MAP7D2: variants seen among roughly 807,000 people sequenced by gnomAD.
MAP7D2 encodes MAP7 domain containing 2.
Under a neutral mutation model 63.5 loss-of-function variants are expected in MAP7D2, and 33 were observed. The observed-to-expected ratio is 0.52, with a 90% CI of 0.39 to 0.70. The LOEUF (loss-of-function observed/expected upper bound fraction) is 0.70, where lower values mean the gene tolerates loss of function less well. Ranked by LOEUF, MAP7D2 falls within the 30% of genes least tolerant of loss-of-function variation. The pLI is 0.00. For missense variants in MAP7D2, 626 were observed against 604.0 expected (o/e 1.04, Z -0.38); for synonymous variants, 224 against 223.7 (o/e 1.00, Z -0.01).
chrX:20,098,562 G>GA (rs2066338127), intron 1 of MAP7D2, among the ~76,000 whole-genome samples: 1 of 110,890 alleles, frequency 9.0e-6, no homozygotes, highest in African/African-American at 3.3e-5. Context: ...CACGGTGGGG[G>GA]GGGGAGCGGG....
intron 1 of MAP7D2, among the ~76,000 whole-genome samples, chrX:20,099,944 C>G (rs1383308854): frequency 9.0e-6 from 1 of 111,661 alleles, no homozygotes; most frequent in African/African-American, 3.3e-5. Flanking sequence ...AAGGTGGAAG[C>G]CAGGTTCTTT....
chrX:20,069,445 G>A (rs1191667500), intron 1 of MAP7D2, among the ~76,000 whole-genome samples: 1 of 111,057 alleles, frequency 9.0e-6, no homozygotes, highest in African/African-American at 3.3e-5. Flanking sequence ...CTAGGCTAAA[G>A]CAATCTTCCT....
At chrX:20,032,788 G>A (rs746085474) in intron 8 of MAP7D2, among the ~76,000 whole-genome samples, 2 of 111,900 alleles carry the variant, frequency 1.8e-5, no homozygotes, top group African/African-American at 3.3e-5. Context: ...TGGCCCGACT[G>A]CTTTGACCTA....
chrX:20,115,434 C>T (rs1049577015), intron 1 of MAP7D2, among the ~76,000 whole-genome samples: 5 of 111,025 alleles, frequency 4.5e-5, no homozygotes. Flanking sequence ...TATACAAGGT[C>T]GCCTCTGCCA....
Position 20,116,850 on chromosome X carries a change from C to G in MAP7D2, c.30G>C (p.Thr10=), listed in dbSNP as rs756181734. The change falls in exon 1 of 17, where the codon ACG becomes ACC. Residue 10 remains threonine (T), a synonymous_variant. Coordinates refer to ENST00000379643, the MANE Select transcript of MAP7D2 (RefSeq NM_001168465.2). MERGGGGSG[T]GSRPEGTARG... is the part of the protein sequence containing the mutation. ...GCGCAGTCCCCTCAGGCCGGGATCC[C>G]GTCCCGGAGCCGCCGCCGCCGCGCT... The G allele has an allele frequency of 8.7e-6, 10 of 1,154,903 alleles. No individual in the cohort carries two copies. Among genetic ancestry groups the G allele is most frequent in the South Asian group, 2.0e-5 (1 of 50,010 alleles).
chrX:20,020,233 C>T (rs187815150), intron 10 of MAP7D2, among the ~76,000 whole-genome samples: 34 of 111,436 alleles, frequency 3.1e-4, no homozygotes, highest in Middle Eastern at 9.3e-3. Flanking sequence ...ATGTGTCCCT[C>T]CCACTAGCCC....
At chrX:20,015,125 C>A in intron 12 of MAP7D2, 98 bp downstream of exon 12, 1 of 617,554 alleles carries the variant, frequency 1.6e-6, no homozygotes, top group Admixed American at 2.8e-5. Flanking sequence ...CTTGACCTAA[C>A]TGACAATCCT....
intron 16 of MAP7D2, among the ~76,000 whole-genome samples, chrX:20,009,145 A>G (rs866945299): frequency 1.8e-5 from 2 of 111,598 alleles, no homozygotes; most frequent in African/African-American, 3.3e-5. Flanking sequence ...ACCAAGAACC[A>G]AGAGAAATGG....
At chrX:20,046,161 T>G (rs2064794341) in intron 6 of MAP7D2, among the ~76,000 whole-genome samples, 1 of 111,927 alleles carries the variant, frequency 8.9e-6, no homozygotes, top group African/African-American at 3.2e-5. Flanking sequence ...AAGACATGCT[T>G]CTGGAGTTTT....
At chrX:20,056,648 G>A (rs1473184451) in intron 4 of MAP7D2, 32 bp downstream of exon 4, 1 of 1,138,224 alleles carries the variant, frequency 8.8e-7, no homozygotes, top group South Asian at 1.8e-5. Context: ...TCCCACCCAG[G>A]ACCTGAAATA....
chrX:20,069,170 T>A (rs1368203265), intron 1 of MAP7D2, among the ~76,000 whole-genome samples: 1 of 111,926 alleles, frequency 8.9e-6, no homozygotes, highest in Non-Finnish European at 1.9e-5. Flanking sequence ...CAATCATCCT[T>A]TGTCCATGTG....
At chrX:20,066,080 G>A (rs1402337901) in intron 1 of MAP7D2, among the ~76,000 whole-genome samples, 2 of 110,129 alleles carry the variant, frequency 1.8e-5, no homozygotes, top group Admixed American at 9.6e-5. Flanking sequence ...CCGCCACCGC[G>A]CCCGGCTAAT....
At chrX:20,095,951 G>A (rs1403316646) in intron 1 of MAP7D2, among the ~76,000 whole-genome samples, 1 of 107,903 alleles carries the variant, frequency 9.3e-6, no homozygotes, top group African/African-American at 3.4e-5. Context: ...GCATGGTGGT[G>A]GGCACCTGTA....
intron 1 of MAP7D2, among the ~76,000 whole-genome samples, chrX:20,073,815 T>C (rs1384803629): frequency 3.1e-5 from 3 of 98,028 alleles, no homozygotes; most frequent in Non-Finnish European, 4.1e-5. Context: ...CGTGAGCCAC[T>C]GCACCCGGCC....
At chrX:20,062,481 T>TA (rs141341947) in intron 3 of MAP7D2, among the ~76,000 whole-genome samples, 8 of 106,169 alleles carry the variant, frequency 7.5e-5, no homozygotes, top group East Asian at 2.9e-4. Flanking sequence ...ATGTGTTCTT[T>TA]AAAAAAAAAA....
chrX:20,043,053 T>C (rs2064704736), intron 7 of MAP7D2, among the ~76,000 whole-genome samples: 1 of 111,466 alleles, frequency 9.0e-6, no homozygotes, highest in South Asian at 3.8e-4. Flanking sequence ...TCTAGTCCTG[T>C]AGGTCTTCCC....
intron 1 of MAP7D2, among the ~76,000 whole-genome samples, chrX:20,086,748 G>A (rs1308886802): frequency 9.0e-6 from 1 of 111,336 alleles, no homozygotes; most frequent in Non-Finnish European, 1.9e-5. Context: ...TGATCATGTC[G>A]GGCACAGTCC....
At position 20,019,440 on chromosome X, in the gene MAP7D2, T is replaced by C. The variant is rs182747444; in HGVS notation, c.1413-3115A>G. ...AAAACTGTGCATTACTGTCATCATT[T>C]GGCATTCAGTGGATGCATCATCCCT... On this transcript the variant is annotated intron_variant, in intron 10 of 16. Transcript: ENST00000379643. Among the ~76,000 whole-genome samples, 324 of 111,889 alleles carry C rather than the reference T, an allele frequency of 2.9e-3. 1 individual carries two copies. The highest frequency in any genetic ancestry group is 5.0e-3 in the Non-Finnish European group (266 of 53,186).
chrX:20,015,989 A>C, intron 11 of MAP7D2, 105 bp downstream of exon 11: 2 of 719,398 alleles, frequency 2.8e-6, no homozygotes, highest in Non-Finnish European at 4.2e-6. Context: ...CAGTTTAAGA[A>C]GAAACTTCAA....
Sources: allele counts gnomAD v4.1 joint callset (sites outside exome capture counted in the v4.1 genomes callset), GRCh38; gene constraint gnomAD v4.1.1; transcripts MANE v1.5; gene names NCBI Gene and HGNC (gene_info 2026-07-23, HGNC 2026-07-21).